Variants in SPPL2B observed in about 807,000 individuals in gnomAD.
SPPL2B encodes signal peptide peptidase-like 2B.
In SPPL2B, 39 loss-of-function variants were observed where a neutral mutation model predicts 59.7. The observed-to-expected ratio is 0.65, with a 90% CI of 0.51 to 0.85. The LOEUF is 0.85. SPPL2B is among the 40% of genes least tolerant of loss of function. The probability of loss-of-function intolerance (pLI) is 0.00; values close to 1 mark genes in which losing one functional copy is unlikely to be tolerated. For synonymous variants in SPPL2B, 419 were observed against 370.8 expected (o/e 1.13, Z -1.49); for missense variants, 865 against 849.0 (o/e 1.02, Z -0.23).
chr19:2,353,572 T>G lies in SPPL2B; in HGVS notation c.*363T>G. 4.1e-6 allele frequency: 1 copy of G among 244,900 alleles called. No homozygotes were observed. The allele number at this position is 244,900 out of a possible 1,614,324, so 15.2% of individuals were successfully genotyped here. On this transcript the variant is annotated 3_prime_UTR_variant, in exon 15 of 15. Coordinates refer to ENST00000613503, the MANE Select transcript of SPPL2B (RefSeq NM_152988.3). ...GGACTCTGGCCGCGGCCACACTTGG[T>G]GCTCACCAGCTGCTTCGGCCTTCAG...
intron 1 of SPPL2B, among the ~76,000 whole-genome samples, chr19:2,329,404 C>T (rs1799325489): frequency 6.6e-6 from 1 of 152,196 alleles, no homozygotes; most frequent in Non-Finnish European, 1.5e-5. Flanking sequence ...GGGTGACCAG[C>T]GCCCAGGGCC....
chr19:2,337,743 C>T (rs1489655028), intron 3 of SPPL2B, 118 bp downstream of exon 3: 1 of 1,068,360 alleles, frequency 9.4e-7, no homozygotes, highest in Non-Finnish European at 1.3e-6. Context: ...GCAGATCCAT[C>T]TGTGGGGAGG....
intron 2 of SPPL2B, among the ~76,000 whole-genome samples, chr19:2,336,243 G>T (rs1293475363): frequency 6.6e-6 from 1 of 151,868 alleles, no homozygotes; most frequent in Non-Finnish European, 1.5e-5. Flanking sequence ...CTGTGAGTGT[G>T]CATGCAATAG....
chr19:2,334,851 C>T (rs1968472551), intron 2 of SPPL2B, 130 bp downstream of exon 2: 2 of 1,231,864 alleles, frequency 1.6e-6, no homozygotes, highest in East Asian at 5.6e-5. Context: ...GTCTGGGGGA[C>T]TCTTAGCTGG....
At chr19:2,331,202 T>C (rs1968272991) in intron 1 of SPPL2B, among the ~76,000 whole-genome samples, 1 of 151,702 alleles carries the variant, frequency 6.6e-6, no homozygotes, top group African/African-American at 2.4e-5. Flanking sequence ...AACTCCTCAG[T>C]CTTCCCAGAA....
rs570512765 is a variant in SPPL2B at position 2,328,702 on chromosome 19, C to T, written c.-8C>T. 51 of 1,434,136 alleles carry T rather than the reference C, an allele frequency of 3.6e-5. No individual in the cohort carries two copies. Among genetic ancestry groups the T allele is most frequent in the Non-Finnish European group, 4.3e-5 (47 of 1,104,364 alleles). 88.8% of individuals were successfully genotyped at this position (1,434,136 alleles called of 1,614,324 possible). A position where few individuals can be genotyped will look rare whatever the true frequency, so the allele number is the denominator to read the frequency against. ...ATCTGCCGTTGGTTGCGGCGGGCAC[C>T]GGCCGACATGGCGGCAGCGGTGGCG... On this transcript the variant is annotated 5_prime_UTR_variant, in exon 1 of 15. Coordinates refer to ENST00000613503, the MANE Select transcript of SPPL2B (RefSeq NM_152988.3).
rs1227798193 is a variant in SPPL2B at position 2,354,358 on chromosome 19, C to T, written c.*1149C>T. The T allele has an allele frequency of 6.6e-6, 1 of 152,318 alleles. No individual in the cohort carries two copies. Among genetic ancestry groups the T allele is most frequent in the African/African-American group, 2.4e-5 (1 of 41,436 alleles). The allele number at this position is 152,318 out of a possible 1,614,324, so 9.4% of individuals were successfully genotyped here. The stretch of plus-strand genomic sequence containing the variant: ...GCATCCTCCCCTCGCTGCACGTGGT[C>T]ACTTCCGAAGCAGCGCTCCCTGTGG... On this transcript the variant is annotated 3_prime_UTR_variant, in exon 15 of 15. Transcript: ENST00000613503.
chr19:2,349,788 A>C lies in SPPL2B; in HGVS notation c.1355-1646A>C, dbSNP rs1214739733. Reference sequence around the variant, plus strand: ...ATTTGCTTGATTCCGTTCTCTCTCCACACACACTCACGCGCTCTCATTCGC... The same window carrying C: ...ATTTGCTTGATTCCGTTCTCTCTCCCCACACACTCACGCGCTCTCATTCGC... On this transcript the variant is annotated intron_variant, in intron 13 of 14. Coordinates refer to ENST00000613503, the MANE Select transcript of SPPL2B (RefSeq NM_152988.3). Among the ~76,000 whole-genome samples the C allele has an allele frequency of 3.6e-3, 283 of 79,366 alleles. 1 individual carries two copies. The highest frequency in any genetic ancestry group is 0.013 in the Middle Eastern group (1 of 76). 52.1% of individuals were successfully genotyped at this position (79,366 alleles called of 152,430 possible).
chr19:2,343,103 G>A (rs1248555581), intron 8 of SPPL2B, 108 bp from the exon 9 acceptor site: 4 of 834,972 alleles, frequency 4.8e-6, no homozygotes, highest in Admixed American at 4.1e-5. Context: ...GAAGGGCAGT[G>A]GGGCTGCGTG....
Position 2,339,303 on chromosome 19 carries a change from G to A in SPPL2B, c.599+95G>A. ...TTCCAGAACAGCAGTGAGTGCTTTG[G>A]CCTCGGCAGGCACGGCTCGCCCCGT... On this transcript the variant is annotated intron_variant, in intron 5 of 14. Coordinates refer to ENST00000613503, the MANE Select transcript of SPPL2B (RefSeq NM_152988.3). 5 of 1,405,800 alleles carry A rather than the reference G, an allele frequency of 3.6e-6. No homozygotes were observed. In the South Asian group the frequency reaches 6.5e-5, roughly 18 times the overall value. 87.1% of individuals were successfully genotyped at this position (1,405,800 alleles called of 1,614,324 possible). A position where few individuals can be genotyped will look rare whatever the true frequency, so the allele number is the denominator to read the frequency against.
intron 13 of SPPL2B, among the ~76,000 whole-genome samples, chr19:2,347,050 G>C: frequency 6.6e-6 from 1 of 152,238 alleles, no homozygotes; most frequent in Non-Finnish European, 1.5e-5. Flanking sequence ...GATCGCTACA[G>C]AGAACTCCCG....
rs1279034306 is a variant in SPPL2B, at chr19:2,352,931, T to C, written c.1516-15T>C. 1.9e-6 allele frequency: 3 copies of C among 1,611,602 alleles called. No homozygotes were observed. In the African/African-American group the frequency reaches 4.0e-5, roughly 22 times the overall value. On this transcript the variant is annotated splice_polypyrimidine_tract_variant and intron_variant, in intron 14 of 14. Coordinates refer to ENST00000613503, the MANE Select transcript of SPPL2B (RefSeq NM_152988.3). ...TCCCTGTCTCCGCCTCACCTCTGCC[T>C]CCCTTCTCCTGTAGAAAGTCCTACC...
intron 2 of SPPL2B, among the ~76,000 whole-genome samples, chr19:2,335,654 CCCATCCCTCAG>C (rs1568430880): frequency 6.6e-5 from 9 of 136,206 alleles, no homozygotes; most frequent in Non-Finnish European, 1.4e-4. Flanking sequence ...CCTTTCCCAC[CCCATCCCTCAG>C]GCCCTGCCTC....
chr19:2,328,982 G>T (rs1415798472), intron 1 of SPPL2B, among the ~76,000 whole-genome samples: 1 of 152,164 alleles, frequency 6.6e-6, no homozygotes, highest in African/African-American at 2.4e-5. Flanking sequence ...TCCCCGCCTC[G>T]GAGGCCCTCC....
At chr19:2,342,843 G>A in intron 8 of SPPL2B, 1 of 241,922 alleles carries the variant, frequency 4.1e-6, no homozygotes. Flanking sequence ...TCCGGGGACA[G>A]CGACTGAGGG....
chr19:2,346,557 C>T (rs530390381), intron 13 of SPPL2B, among the ~76,000 whole-genome samples: 1 of 152,288 alleles, frequency 6.6e-6, no homozygotes, highest in Admixed American at 6.5e-5. Flanking sequence ...GCCCCAGCTA[C>T]TCTGCAGGCT....
intron 2 of SPPL2B, 189 bp from the exon 3 acceptor site, chr19:2,337,254 C>A: frequency 1.9e-6 from 1 of 521,538 alleles, no homozygotes; most frequent in Non-Finnish European, 3.3e-6. Flanking sequence ...GGCAGCCCAG[C>A]CCGTCGCCCA....
chr19:2,345,453 C>G, intron 13 of SPPL2B, 123 bp downstream of exon 13: 1 of 820,396 alleles, frequency 1.2e-6, no homozygotes, highest in Non-Finnish European at 2.0e-6. Context: ...AACTCTAACA[C>G]CGTAACCATA....
intron 2 of SPPL2B, among the ~76,000 whole-genome samples, chr19:2,336,935 C>T (rs917339): frequency 0.1 from 14,465 of 138,800 alleles, 755 homozygotes; most frequent in Middle Eastern, 0.2. Flanking sequence ...ATGTGTGTGC[C>T]GTGTGCTCCA....
Sources: gnomAD v4.1 joint callset for allele counts (sites outside exome capture counted in the v4.1 genomes callset) on GRCh38, gnomAD v4.1.1 for gene constraint, MANE v1.5 for transcripts, NCBI Gene and HGNC (gene_info 2026-07-23, HGNC 2026-07-21) for gene names.